C16orf96: variants seen among roughly 807,000 people sequenced by gnomAD.
C16orf96 encodes chromosome 16 open reading frame 96, also known as uncharacterized protein C16orf96.
Under a neutral mutation model 103.6 loss-of-function variants are expected in C16orf96, and 108 were observed. The observed-to-expected ratio is 1.04, with a 90% CI of 0.89 to 1.22. The LOEUF (loss-of-function observed/expected upper bound fraction) is 1.22. Ranked by LOEUF, C16orf96 falls within the 50% of genes most tolerant of loss-of-function variation. The probability of loss-of-function intolerance (pLI) is 0.00; values close to 1 mark genes in which losing one functional copy is unlikely to be tolerated. For missense variants in C16orf96, 1,586 were observed against 1,464.2 expected (o/e 1.08, Z -1.36); for synonymous variants, 566 against 593.5 (o/e 0.95, Z 0.67).
Position 4,600,616 on chromosome 16 carries a change from G to C in C16orf96, c.*299G>C. On this transcript the variant is annotated 3_prime_UTR_variant, in exon 16 of 16. Coordinates refer to ENST00000444310, the MANE Select transcript of C16orf96 (RefSeq NM_001145011.2). ...TGAGCCTGGCCCAGAAAGGGTGCTGGGGCCCTGGATAGAGGGGAGGGGTCT... is the reference window on the plus strand; with the variant it reads ...TGAGCCTGGCCCAGAAAGGGTGCTGCGGCCCTGGATAGAGGGGAGGGGTCT... 3 of 438,798 alleles carry C rather than the reference G, an allele frequency of 6.8e-6. No homozygotes were observed. The Admixed American group carries it at 1.1e-4, about 16-fold the overall frequency. The allele number at this position is 438,798 out of a possible 1,614,324, so 27.2% of individuals were successfully genotyped here.
intron 14 of C16orf96, among the ~76,000 whole-genome samples, chr16:4,598,387 G>T (rs1897218109): frequency 6.6e-6 from 1 of 151,182 alleles, no homozygotes; most frequent in Non-Finnish European, 1.5e-5. Flanking sequence ...GAAATGTCCA[G>T]AATAGAAAAA....
the C16orf96 span, among the ~76,000 whole-genome samples, chr16:4,546,832 A>T: frequency 1.3e-5 from 2 of 152,138 alleles, no homozygotes; most frequent in African/African-American, 4.8e-5. Context: ...ACAACGTGTG[A>T]TCTCCATATA....
intron 2 of C16orf96, 134 bp downstream of exon 2, chr16:4,571,799 C>G (rs971963807): frequency 3.6e-5 from 25 of 703,328 alleles, no homozygotes; most frequent in Non-Finnish European, 5.6e-5. Context: ...TGTGGACCCT[C>G]CAATTGGCCA....
intron 14 of C16orf96, among the ~76,000 whole-genome samples, chr16:4,596,471 C>T (rs527268194): frequency 9.5e-4 from 121 of 126,930 alleles, no homozygotes; most frequent in African/African-American, 3.4e-3. Flanking sequence ...GACAACAGAG[C>T]GAGACTTCGT....
rs73513065 is a variant in C16orf96, at chr16:4,565,206, C to T, written c.421-6355C>T. 2.8e-3 allele frequency among the ~76,000 whole-genome samples: 433 copies of T among 152,258 alleles called. 5 individuals are homozygous for T. The highest frequency in any genetic ancestry group is 9.8e-3 in the African/African-American group (406 of 41,538). The stretch of plus-strand genomic sequence containing the variant: ...GAGAGCAGGTTTGGACAAGCCCTGC[C>T]TCGAGGACTATGGCATGGGTCAGCT... On this transcript the variant is annotated intron_variant, in intron 1 of 15. Coordinates refer to ENST00000444310, the MANE Select transcript of C16orf96 (RefSeq NM_001145011.2).
chr16:4,566,231 T>G (rs1374909154), intron 1 of C16orf96, among the ~76,000 whole-genome samples: 1 of 152,204 alleles, frequency 6.6e-6, no homozygotes, highest in Non-Finnish European at 1.5e-5. Context: ...ATCTGGTATC[T>G]CTATAATCTT....
upstream of C16orf96, among the ~76,000 whole-genome samples, chr16:4,553,835 A>G (rs747735267): frequency 6.6e-6 from 1 of 152,128 alleles, no homozygotes; most frequent in Non-Finnish European, 1.5e-5. Context: ...TCTAGCCGCC[A>G]TGTTTTATTT....
At position 4,587,102 on chromosome 16, in the gene C16orf96, G is replaced by A. The variant is rs1567453855; in HGVS notation, c.2416G>A (p.Glu806Lys). Residue 806 changes from glutamate (E) to lysine (K), a missense_variant, in exon 8 of 16, where the codon GAG (glutamate) becomes AAG (lysine). Glu to Lys is a moderately conservative substitution (Grantham distance 56). Coordinates refer to ENST00000444310, the MANE Select transcript of C16orf96 (RefSeq NM_001145011.2). Reference protein sequence around the residue: ...NKVNKSTMEEELREKADRSAL... With the variant: ...NKVNKSTMEEKLREKADRSAL... ...GGTGAATAAGAGCACGATGGAGGAG[G>A]AGCTGAGAGAGGTGAGTGAGCAGAG... is the stretch of plus-strand genomic sequence containing the variant. 2 of 1,551,530 alleles carry A rather than the reference G, an allele frequency of 1.3e-6. No homozygotes were observed. Among genetic ancestry groups the A allele is most frequent in the East Asian group, 2.4e-5 (1 of 40,926 alleles).
At chr16:4,578,308 G>T (rs1037766026) in intron 5 of C16orf96, among the ~76,000 whole-genome samples, 1 of 151,886 alleles carries the variant, frequency 6.6e-6, no homozygotes, top group Non-Finnish European at 1.5e-5. Context: ...AAGCCTGGCT[G>T]ATTTTCGTAT....
At chr16:4,597,288 C>A (rs770142883) in intron 14 of C16orf96, among the ~76,000 whole-genome samples, 1 of 152,160 alleles carries the variant, frequency 6.6e-6, no homozygotes. Context: ...ATTTAATGAA[C>A]CCCGACTTCG....
chr16:4,591,291 A>C (rs1439446529), intron 9 of C16orf96, among the ~76,000 whole-genome samples: 1 of 152,352 alleles, frequency 6.6e-6, no homozygotes, highest in South Asian at 2.1e-4. Context: ...CCCACTTTAC[A>C]TACAGACCGT....
Position 4,580,043 on chromosome 16 carries a change from A to C in C16orf96, c.2270A>C (p.Asn757Thr). Reference sequence around the variant, plus strand: ...GAAGAACTTGAGAGAATTTGGGGCAACCAAATAGAGATGATGAAGGATCGC... The same window carrying C: ...GAAGAACTTGAGAGAATTTGGGGCACCCAAATAGAGATGATGAAGGATCGC... ...KEEELERIWG[N>T]QIEMMKDRYI... is the part of the protein sequence containing the mutation. The change falls in exon 7 of 16, where the codon AAC becomes ACC. Residue 757 changes from asparagine to threonine, a missense_variant. Physicochemically the swap from Asn to Thr is moderately conservative, Grantham distance 65. Transcript: ENST00000444310. 6.4e-7 allele frequency: 1 copy of C among 1,551,362 alleles called. No homozygotes were observed. Among genetic ancestry groups the C allele is most frequent in the Middle Eastern group, 1.7e-4 (1 of 5,992 alleles).
chr16:4,539,088 A>G, the C16orf96 span, among the ~76,000 whole-genome samples: 17 of 152,302 alleles, frequency 1.1e-4, no homozygotes, highest in African/African-American at 3.8e-4. Context: ...TGGGAGGTGC[A>G]TTACATAAAA....
chr16:4,563,671 C>G (rs534180294), intron 1 of C16orf96, among the ~76,000 whole-genome samples: 1 of 152,000 alleles, frequency 6.6e-6, no homozygotes, highest in Non-Finnish European at 1.5e-5. Context: ...TGGGTTCAAG[C>G]GATTCTCCTG....
rs1359814657 is a variant in C16orf96 at position 4,580,059 on chromosome 16, G to A, written c.2286G>A (p.Met762Ile). Residue 762 changes from methionine to isoleucine, a missense_variant, in exon 7 of 16, where the codon ATG becomes ATA. By Grantham distance (10) the Met-to-Ile change is conservative. Transcript: ENST00000444310. ...ERIWGNQIEM[M>I]KDRYITLDKA... Reference sequence around the variant, plus strand: ...TTTGGGGCAACCAAATAGAGATGATGAAGGATCGCTACATCACTTTGGACA... The same window carrying A: ...TTTGGGGCAACCAAATAGAGATGATAAAGGATCGCTACATCACTTTGGACA... 2 of 1,550,844 alleles carry A rather than the reference G, an allele frequency of 1.3e-6. No homozygotes were observed. The highest frequency in any genetic ancestry group is 8.7e-7 in the Non-Finnish European group (1 of 1,146,568).
chr16:4,594,957 C>T (rs772465353), intron 14 of C16orf96, among the ~76,000 whole-genome samples, 154 bp downstream of exon 14: 2 of 152,158 alleles, frequency 1.3e-5, no homozygotes, highest in Non-Finnish European at 2.9e-5. Flanking sequence ...CAGCAGGCCC[C>T]CAGGAGACTC....
chr16:4,574,950 A>T (rs1567445058), intron 3 of C16orf96, 22 bp from the exon 4 acceptor site: 1 of 1,550,010 alleles, frequency 6.5e-7, no homozygotes, highest in East Asian at 2.4e-5. Flanking sequence ...CACAGCCCTC[A>T]TTTTCTACCC....
chr16:4,570,163 G>T (rs2059422401), intron 1 of C16orf96, among the ~76,000 whole-genome samples: 1 of 152,014 alleles, frequency 6.6e-6, no homozygotes, highest in Non-Finnish European at 1.5e-5. Flanking sequence ...TGCCCAGGCT[G>T]GTCTGGAACT....
At chr16:4,540,243 G>T in the C16orf96 span, among the ~76,000 whole-genome samples, 1 of 152,236 alleles carries the variant, frequency 6.6e-6, no homozygotes, top group African/African-American at 2.4e-5. Context: ...GAGTTACGGG[G>T]TGGTGCCACT....
Sources: gnomAD v4.1 joint callset for allele counts (sites outside exome capture counted in the v4.1 genomes callset) on GRCh38, gnomAD v4.1.1 for gene constraint, MANE v1.5 for transcripts, NCBI Gene and HGNC (gene_info 2026-07-23, HGNC 2026-07-21) for gene names.